GABBR2: variants seen among roughly 807,000 people sequenced by gnomAD.
The protein encoded by GABBR2 is gamma-aminobutyric acid type B receptor subunit 2.
A neutral mutation model predicts 105.6 loss-of-function variants in GABBR2; 23 were observed. That is an observed-to-expected ratio of 0.22 (90% CI 0.16 to 0.31). The LOEUF (loss-of-function observed/expected upper bound fraction) is 0.31, where lower values mean the gene tolerates loss of function less well. Ranked by LOEUF, GABBR2 falls within the 10% of genes least tolerant of loss-of-function variation. The pLI, the probability that GABBR2 is intolerant of heterozygous loss-of-function variation, is 1.00. For missense variants in GABBR2, 734 were observed against 1,245.5 expected, an observed-to-expected ratio of 0.59 and a Z score of 6.18; for synonymous variants, 478 against 499.7, an observed-to-expected ratio of 0.96 and a Z score of 0.58.
chr9:98,374,589 T>C (rs1281058237), intron 11 of GABBR2, among the ~76,000 whole-genome samples: 1 of 152,192 alleles, frequency 6.6e-6, no homozygotes. Context: ...TTTTGTTACA[T>C]AGTAGGCAGA....
intron 2 of GABBR2, among the ~76,000 whole-genome samples, chr9:98,563,125 AT>A (rs1329129842): frequency 6.6e-6 from 1 of 151,816 alleles, no homozygotes; most frequent in Non-Finnish European, 1.5e-5. Context: ...TGCATGAAAA[AT>A]AATGTCTCCA....
At position 98,303,506 on chromosome 9, in the gene GABBR2, G is replaced by C. The variant is rs1830502949; in HGVS notation, c.2230-83C>G. The C allele has an allele frequency of 2.4e-6, 3 of 1,260,740 alleles. No individual in the cohort carries two copies. In the African/African-American group the frequency reaches 4.4e-5, roughly 19 times the overall value. 78.1% of individuals were successfully genotyped at this position (1,260,740 alleles called of 1,614,324 possible). ...TCCCACATGGCAGACTCTCCCAGCA[G>C]ATCCTGCTCTGGAGGCGATAAGAGG... On this transcript the variant is annotated intron_variant, in intron 15 of 18. Transcript: ENST00000259455.
chr9:98,498,481 C>G (rs1304093120), intron 3 of GABBR2, among the ~76,000 whole-genome samples: 2 of 152,106 alleles, frequency 1.3e-5, no homozygotes, highest in Admixed American at 1.3e-4. Flanking sequence ...GATAATCTGG[C>G]CTTAAATGTC....
intron 2 of GABBR2, among the ~76,000 whole-genome samples, chr9:98,553,965 A>T (rs914924409): frequency 7.2e-5 from 11 of 152,200 alleles, no homozygotes; most frequent in Non-Finnish European, 1.3e-4. Flanking sequence ...ACAAAAACCC[A>T]TGATATCAGT....
rs1240784709 is a variant in GABBR2 at position 98,447,239 on chromosome 9, T to A, written c.1236+6742A>T. Reference sequence around the variant, plus strand: ...ACTACGCCCGGCTAATTTTTTGTATTTTTAGTAGAGATGGGGTTTCACCGT... The same window carrying A: ...ACTACGCCCGGCTAATTTTTTGTATATTTAGTAGAGATGGGGTTTCACCGT... On this transcript the variant is annotated intron_variant, in intron 7 of 18. Coordinates refer to ENST00000259455, the MANE Select transcript of GABBR2 (RefSeq NM_005458.8). Among the ~76,000 whole-genome samples, 3 of 140,852 alleles carry A rather than the reference T, an allele frequency of 2.1e-5. 1 individual carries two copies. Among genetic ancestry groups the A allele is most frequent in the Non-Finnish European group, 4.6e-5 (3 of 64,636 alleles). The allele number at this position is 140,852 out of a possible 152,430, so 92.4% of individuals were successfully genotyped here.
chr9:98,499,598 C>G (rs572894308), intron 3 of GABBR2, among the ~76,000 whole-genome samples: 1 of 152,320 alleles, frequency 6.6e-6, no homozygotes, highest in East Asian at 1.9e-4. Flanking sequence ...GTGACAAAAG[C>G]ATGGAAAAGA....
chr9:98,435,026 C>A (rs1180832344), intron 7 of GABBR2, among the ~76,000 whole-genome samples: 1 of 152,204 alleles, frequency 6.6e-6, no homozygotes. Flanking sequence ...TCATGTTTGC[C>A]TCCATAGATC....
Position 98,504,209 on chromosome 9 carries a change from G to A in GABBR2, c.631-7695C>T, listed in dbSNP as rs574244437. Among the ~76,000 whole-genome samples, 143 of 152,324 alleles carry A rather than the reference G, an allele frequency of 9.4e-4. 1 individual carries two copies. The highest frequency in any genetic ancestry group is 2.9e-3 in the African/African-American group (119 of 41,572). On this transcript the variant is annotated intron_variant, in intron 3 of 18. Transcript: ENST00000259455. ...GGAGAAAATGGAGAGAAGGAAAGGAGGCAGGAAGACATGAGACAGAAAGCA... is the reference window on the plus strand; with the variant it reads ...GGAGAAAATGGAGAGAAGGAAAGGAAGCAGGAAGACATGAGACAGAAAGCA...
chr9:98,319,407 G>T lies in GABBR2; in HGVS notation c.1894-8202C>A, dbSNP rs149146150. Among the ~76,000 whole-genome samples, 50 of 151,942 alleles carry T rather than the reference G, an allele frequency of 3.3e-4. 1 individual carries two copies. In the East Asian group the frequency reaches 7.8e-3, roughly 24 times the overall value. ...ACAAAGCTAGAAGCTGTCATTTCAA[G>T]TAAGCATTTTTTTTGTAGAATGTTA... On this transcript the variant is annotated intron_variant, in intron 13 of 18. Transcript: ENST00000259455.
chr9:98,543,172 A>T (rs1382727009), intron 2 of GABBR2, among the ~76,000 whole-genome samples: 2 of 151,970 alleles, frequency 1.3e-5, no homozygotes, highest in African/African-American at 4.8e-5. Flanking sequence ...CCTAAATGCC[A>T]CCCCTTCCAT....
chr9:98,524,003 C>CAA (rs36062176), intron 3 of GABBR2, among the ~76,000 whole-genome samples: 7 of 151,880 alleles, frequency 4.6e-5, no homozygotes, highest in South Asian at 2.1e-4. Context: ...GGGCCTATAA[C>CAA]AAAAAAACAG....
intron 5 of GABBR2, among the ~76,000 whole-genome samples, chr9:98,476,564 T>C (rs1163924981): frequency 1.3e-5 from 2 of 152,260 alleles, no homozygotes; most frequent in Non-Finnish European, 2.9e-5. Context: ...GTATCATGCA[T>C]GGCAAACACT....
chr9:98,435,629 C>T (rs879869723), intron 7 of GABBR2, among the ~76,000 whole-genome samples: 2 of 152,190 alleles, frequency 1.3e-5, no homozygotes, highest in Non-Finnish European at 2.9e-5. Context: ...ACATGGCCTC[C>T]ACCCACCACT....
In GABBR2 at chr9:98,511,425, T is replaced by C. The variant is rs550394477; in HGVS notation, c.631-14911A>G. On this transcript the variant is annotated intron_variant, in intron 3 of 18. Transcript: ENST00000259455. ...AAGATCAGAGCAGAACTGAAGGAGA[T>C]AGAGACACAAAAAATCCTTCAAAAA... Among the ~76,000 whole-genome samples the C allele has an allele frequency of 4.3e-3, 626 of 144,378 alleles. 10 individuals carry two copies. The highest frequency in any genetic ancestry group is 0.015 in the African/African-American group (591 of 38,534). The allele number at this position is 144,378 out of a possible 152,430, so 94.7% of individuals were successfully genotyped here.
chr9:98,516,517 C>G (rs1827758949), intron 3 of GABBR2, among the ~76,000 whole-genome samples: 1 of 152,200 alleles, frequency 6.6e-6, no homozygotes, highest in Non-Finnish European at 1.5e-5. Flanking sequence ...TTTCTTGCCT[C>G]TAGACCAATA....
intron 3 of GABBR2, among the ~76,000 whole-genome samples, chr9:98,533,630 A>T (rs1828112318): frequency 6.6e-6 from 1 of 152,032 alleles, no homozygotes; most frequent in African/African-American, 2.4e-5. Flanking sequence ...ATCTCATCTC[A>T]TCCCCCATCC....
chr9:98,392,389 G>C (rs555060292), intron 9 of GABBR2, among the ~76,000 whole-genome samples: 1 of 152,238 alleles, frequency 6.6e-6, no homozygotes, highest in African/African-American at 2.4e-5. Flanking sequence ...TGCCGATCTT[G>C]GGGATCAGGG....
intron 1 of GABBR2, among the ~76,000 whole-genome samples, chr9:98,604,068 G>A (rs1206811561): frequency 2.6e-5 from 4 of 152,210 alleles, no homozygotes; most frequent in Non-Finnish European, 5.9e-5. Flanking sequence ...ACAGGGTGGT[G>A]CTTTTCAAAG....
At chr9:98,363,985 TCAC>T (rs1017604813) in intron 12 of GABBR2, among the ~76,000 whole-genome samples, 1 of 152,194 alleles carries the variant, frequency 6.6e-6, no homozygotes, top group African/African-American at 2.4e-5. Context: ...TTAAGAAATA[TCAC>T]CAGGTTTGGT....
Sources: gnomAD v4.1 joint callset for allele counts (sites outside exome capture counted in the v4.1 genomes callset) on GRCh38, gnomAD v4.1.1 for gene constraint, MANE v1.5 for transcripts, NCBI Gene and HGNC (gene_info 2026-07-23, HGNC 2026-07-21) for gene names.